HGFAC: variants seen among roughly 807,000 people sequenced by gnomAD.
The protein encoded by HGFAC is HGF activator.
In HGFAC, 76 loss-of-function variants were observed where a neutral mutation model predicts 70.6. The ratio of observed to expected loss-of-function variants is 1.08; its 90% CI spans 0.89 to 1.30. HGFAC has a LOEUF of 1.30. HGFAC is among the 50% of genes most tolerant of loss of function. HGFAC has a pLI of 0.00. For synonymous variants in HGFAC, 464 were observed against 405.3 expected (o/e 1.14, Z -1.74); for missense variants, 1,044 against 933.7 (o/e 1.12, Z -1.54).
intron 5 of HGFAC, 66 bp from the exon 6 acceptor site, chr4:3,444,245 C>T: frequency 1.3e-6 from 2 of 1,564,416 alleles, no homozygotes; most frequent in Non-Finnish European, 1.7e-6. Flanking sequence ...CTCCCGAGTG[C>T]AGGGCAGGGG....
rs1253098104 is a variant in HGFAC at position 3,444,319 on chromosome 4, T to C, written c.607T>C (p.Phe203Leu). Residue 203 changes from phenylalanine (F) to leucine (L), a missense_variant, in exon 6 of 14, where the codon TTT becomes CTT. Transcript: ENST00000382774. Reference sequence around the variant, plus strand: ...TACTGTGCACCCCTCAGAGAAATGCTTTGATGAGACCCGCTACGAGTACCT... The same window carrying C: ...TACTGTGCACCCCTCAGAGAAATGCCTTGATGAGACCCGCTACGAGTACCT... ...TGKDCGTEKC[F>L]DETRYEYLEG... 1 of 1,591,256 alleles carries C rather than the reference T, an allele frequency of 6.3e-7. No individual in the cohort carries two copies. Among genetic ancestry groups the C allele is most frequent in the South Asian group, 1.1e-5 (1 of 87,966 alleles).
In HGFAC at chr4:3,446,272, G is replaced by A; in HGVS notation, c.1333G>A (p.Ala445Thr). The A allele has an allele frequency of 6.2e-7, 1 of 1,607,420 alleles. No individual in the cohort carries two copies. ...GGTCCACACCTGCTGGGTGGTGTCG[G>A]CCGCCCACTGCTTCTCCCACAGGTG... ...SLVHTCWVVS[A>T]AHCFSHSPPR... is the part of the protein sequence containing the mutation. Residue 445 changes from alanine (A) to threonine (T), a missense_variant, in exon 10 of 14, where the codon GCC becomes ACC. Physicochemically the swap from Ala to Thr is moderately conservative, Grantham distance 58 (BLOSUM62 0). Coordinates refer to ENST00000382774, the MANE Select transcript of HGFAC (RefSeq NM_001528.4).
At chr4:3,447,721 CAT>C (rs916387083) in intron 11 of HGFAC, 90 bp downstream of exon 11, 122 of 1,572,094 alleles carry the variant, frequency 7.8e-5, no homozygotes, top group Middle Eastern at 1.7e-4. Flanking sequence ...GCTGGGCAGA[CAT>C]GTGGTGCGGG....
At chr4:3,443,253 C>G (rs1725375076) in intron 3 of HGFAC, 88 bp from the exon 4 acceptor site, 1 of 1,341,296 alleles carries the variant, frequency 7.5e-7, no homozygotes, top group Non-Finnish European at 1.0e-6. Context: ...GCAGGCGGAC[C>G]CAGTGAACCC....
chr4:3,444,473 A>C, intron 6 of HGFAC, 31 bp downstream of exon 6: 1 of 1,558,476 alleles, frequency 6.4e-7, no homozygotes, highest in Non-Finnish European at 8.7e-7. Flanking sequence ...CGTGCCACTG[A>C]CCCCTGACGG....
Position 3,444,023 on chromosome 4 carries a change from T to A in HGFAC, c.476-16T>A. ...CTCCCAGTCCGCCCCTCACACCCCC[T>A]CCCGCATGTCCCCAGCTGCCCTGGA... On this transcript the variant is annotated splice_polypyrimidine_tract_variant and intron_variant, in intron 4 of 13. Coordinates refer to ENST00000382774, the MANE Select transcript of HGFAC (RefSeq NM_001528.4). 1 of 1,568,508 alleles carries A rather than the reference T, an allele frequency of 6.4e-7. No individual in the cohort carries two copies. Among genetic ancestry groups the A allele is most frequent in the Non-Finnish European group, 8.6e-7 (1 of 1,162,000 alleles).
chr4:3,448,962 G>A (rs182356880), intron 13 of HGFAC, among the ~76,000 whole-genome samples: 54 of 152,288 alleles, frequency 3.5e-4, no homozygotes, highest in African/African-American at 1.3e-3. Flanking sequence ...AGGAGGTGCT[G>A]GGACACAGGG....
At chr4:3,443,311 ACCC>A in intron 3 of HGFAC, 27 bp from the exon 4 acceptor site, 1 of 1,521,816 alleles carries the variant, frequency 6.6e-7, no homozygotes, top group Non-Finnish European at 8.9e-7. Context: ...TCTGCCTGGG[ACCC>A]CCATGCACGC....
rs772257050 is a variant in HGFAC at position 3,444,396 on chromosome 4, C to G, written c.684C>G (p.Cys228Trp). The G allele has an allele frequency of 1.2e-6, 2 of 1,605,048 alleles. No homozygotes were observed. Among genetic ancestry groups the G allele is most frequent in the Admixed American group, 1.7e-5 (1 of 58,944 alleles). ...TGCGCCAGGGCCACGTGGAACAGTG[C>G]GAGTGCTTCGGGGGCCGGACCTGGT... ...ARVRQGHVEQ[C>W]ECFGGRTWCE... The change falls in exon 6 of 14, where the codon TGC becomes TGG. Residue 228 changes from cysteine to tryptophan, a missense_variant. Cys to Trp is a radical substitution (Grantham distance 215, BLOSUM62 -2). Coordinates refer to ENST00000382774, the MANE Select transcript of HGFAC (RefSeq NM_001528.4).
chr4:3,443,177 G>A (rs759272337), intron 3 of HGFAC, 31 bp downstream of exon 3: 1 of 1,440,928 alleles, frequency 6.9e-7, no homozygotes, highest in Non-Finnish European at 9.3e-7. Context: ...CACCCGAGCT[G>A]GGGTCACCTG....
rs1725359982 is a variant in HGFAC, at chr4:3,442,839, A to G, written c.225A>G (p.Ala75=). ...CCCCAGCAACAAGTGCTCCAGAGGC[A>G]GAGGGACCCCAAAGTGGGGGGCTCC... ...SETPATSAPE[A]EGPQSGGLPP... The change falls in exon 2 of 14, where the codon GCA becomes GCG. Residue 75 remains alanine (A), a synonymous_variant. Coordinates refer to ENST00000382774, the MANE Select transcript of HGFAC (RefSeq NM_001528.4). 1.9e-6 allele frequency: 3 copies of G among 1,589,592 alleles called. No individual in the cohort carries two copies. The South Asian group carries it at 3.4e-5, about 18-fold the overall frequency.
At position 3,444,157 on chromosome 4, in the gene HGFAC, C is replaced by T. The variant is rs1389648261; in HGVS notation, c.594C>T (p.Gly198=). ...CPRAFTGKDC[G]TEKCFDETRY... Reference sequence around the variant, plus strand: ...GGGCCTTCACCGGCAAGGACTGCGGCACAGGTGAGCTGGGCCTCGGAGGTC... The same window carrying T: ...GGGCCTTCACCGGCAAGGACTGCGGTACAGGTGAGCTGGGCCTCGGAGGTC... The change falls in exon 5 of 14, where the codon GGC becomes GGT. Residue 198 remains glycine (G), a synonymous_variant. Transcript: ENST00000382774. 1 of 1,606,722 alleles carries T rather than the reference C, an allele frequency of 6.2e-7. No homozygotes were observed. Among genetic ancestry groups the T allele is most frequent in the Non-Finnish European group, 8.5e-7 (1 of 1,177,292 alleles).
rs539951223 is a variant in HGFAC at position 3,446,088 on chromosome 4, G to T, written c.1149G>T (p.Leu383=). The T allele has an allele frequency of 8.7e-6, 14 of 1,609,622 alleles. No homozygotes were observed. In the African/African-American group the frequency reaches 1.5e-4, roughly 17 times the overall value. ...VQLSPDLLAT[L]PEPASPGRQA... is the part of the protein sequence containing the mutation. ...TGTCACCGGATCTCCTGGCGACCCT[G>T]CCTGAGCCAGCCTCCCCGGGGCGCC... is the stretch of plus-strand genomic sequence containing the variant. The change falls in exon 10 of 14, where the codon CTG becomes CTT. Residue 383 remains leucine, a synonymous_variant. Transcript: ENST00000382774.
intron 1 of HGFAC, among the ~76,000 whole-genome samples, chr4:3,442,390 C>T (rs529669925): frequency 6.6e-6 from 1 of 152,322 alleles, no homozygotes; most frequent in African/African-American, 2.4e-5. Flanking sequence ...GGGCTGCCCC[C>T]TCTCTCTGGA....
chr4:3,445,027 G>C (rs3752440), intron 8 of HGFAC, 34 bp downstream of exon 8: 1 of 1,511,918 alleles, frequency 6.6e-7, no homozygotes, highest in South Asian at 1.3e-5. Flanking sequence ...CGCCGCATGC[G>C]GGGCAGGCAG....
intron 10 of HGFAC, among the ~76,000 whole-genome samples, chr4:3,447,226 C>A (rs1024935681): frequency 6.6e-6 from 1 of 152,206 alleles, no homozygotes; most frequent in South Asian, 2.1e-4. Flanking sequence ...AGACTCCCCC[C>A]AGGGCTTGTG....
intron 13 of HGFAC, among the ~76,000 whole-genome samples, chr4:3,448,777 G>GCC (rs1168034861): frequency 2.6e-5 from 4 of 152,132 alleles, no homozygotes; most frequent in African/African-American, 9.7e-5. Context: ...GGGAGACTGA[G>GCC]CCCCAGGCAG....
rs757450283 is a variant in HGFAC, at chr4:3,443,035, A to AC, written c.299-10dup. 8.8e-6 allele frequency: 14 copies of AC among 1,583,018 alleles called. No individual in the cohort carries two copies. The highest frequency in any genetic ancestry group is 8.1e-5 in the African/African-American group (6 of 74,108). On this transcript the variant is annotated splice_polypyrimidine_tract_variant and intron_variant, in intron 2 of 13. Coordinates refer to ENST00000382774, the MANE Select transcript of HGFAC (RefSeq NM_001528.4). ...CCCTCGAGGGAGCCCTGACCCTGCC[A>AC]CCCCCTCCCCACAGCACTCACCGAG...
At chr4:3,441,049 A>G (rs565251751), upstream of HGFAC, among the ~76,000 whole-genome samples, 1 of 152,042 alleles carries the variant, frequency 6.6e-6, no homozygotes, top group Admixed American at 6.5e-5. This position sits in a 1 kb window ranked among gnomAD's most constrained non-coding sequence, Gnocchi z 6.0. Context: ...CAGCCCTGGG[A>G]TGTCGCTGCT....
Sources: allele counts gnomAD v4.1 joint callset (sites outside exome capture counted in the v4.1 genomes callset), GRCh38; gene constraint gnomAD v4.1.1; non-coding constraint Gnocchi (gnomAD v3.1); transcripts MANE v1.5; gene names NCBI Gene and HGNC (gene_info 2026-07-23, HGNC 2026-07-21).